Variants in PEX3 observed in about 807,000 individuals in gnomAD.
The protein encoded by PEX3 is peroxin-3.
A neutral mutation model predicts 55.8 loss-of-function variants in PEX3; 30 were observed. The ratio of observed to expected loss-of-function variants is 0.54; its 90% CI spans 0.40 to 0.73. PEX3 has a LOEUF of 0.73. Ranked by LOEUF, PEX3 falls within the 30% of genes least tolerant of loss-of-function variation. The probability of loss-of-function intolerance (pLI) is 0.00; values close to 1 mark genes in which losing one functional copy is unlikely to be tolerated. For synonymous variants in PEX3, 135 were observed against 148.4 expected, an observed-to-expected ratio of 0.91 and a Z score of 0.66; for missense variants, 351 against 432.8, an observed-to-expected ratio of 0.81 and a Z score of 1.68.
rs766926677 is a variant in PEX3 at position 143,468,087 on chromosome 6, T to C, written c.288-35T>C. On this transcript the variant is annotated intron_variant, in intron 3 of 11. Transcript: ENST00000367591. ...AGAGTTTTCTATTAGATTATCTAGA[T>C]TATTATTTTCATATTTTTAAATTTT... 5 of 1,125,088 alleles carry C rather than the reference T, an allele frequency of 4.4e-6. No individual in the cohort carries two copies. In the East Asian group the frequency reaches 1.3e-4, roughly 29 times the overall value. The allele number at this position is 1,125,088 out of a possible 1,614,324, so 69.7% of individuals were successfully genotyped here.
In PEX3 at chr6:143,483,139, G is replaced by A. The variant is rs1780265109; in HGVS notation, c.942-2013G>A. ...AGAAAAATTTTCTTTCTTAGAAAAT[G>A]TGCATCAAAGACACAGATAATTCAC... On this transcript the variant is annotated intron_variant, in intron 10 of 11. Transcript: ENST00000367591. The surrounding 1 kb of genome is among the most constrained non-coding windows in gnomAD (Gnocchi z 4.3). 6.6e-6 allele frequency among the ~76,000 whole-genome samples: 1 copy of A among 152,056 alleles called. No homozygotes were observed. The highest frequency in any genetic ancestry group is 2.1e-4 in the South Asian group (1 of 4,820).
chr6:143,472,467 T>G (rs1203145956), intron 8 of PEX3, 139 bp downstream of exon 8: 1 of 667,900 alleles, frequency 1.5e-6, no homozygotes, highest in African/African-American at 1.8e-5. Flanking sequence ...GTAAAACCCA[T>G]TAATTTAGAA....
Position 143,482,118 on chromosome 6 carries a change from G to A in PEX3, c.941+2920G>A, listed in dbSNP as rs1780249803. 6.6e-6 allele frequency among the ~76,000 whole-genome samples: 1 copy of A among 152,068 alleles called. No individual in the cohort carries two copies. Among genetic ancestry groups the A allele is most frequent in the African/African-American group, 2.4e-5 (1 of 41,432 alleles). On this transcript the variant is annotated intron_variant, in intron 10 of 11. Transcript: ENST00000367591. This position sits in a 1 kb window ranked among gnomAD's most constrained non-coding sequence, Gnocchi z 5.5. ...CATCATTCTATTATTCTATCTAATG[G>A]AGTAAGGCTAGGAGAAGACCAATTT...
Position 143,475,288 on chromosome 6 carries a change from A to G in PEX3, c.818+432A>G, listed in dbSNP as rs557822154. Among the ~76,000 whole-genome samples, 17 of 152,272 alleles carry G rather than the reference A, an allele frequency of 1.1e-4. No homozygotes were observed. The South Asian group carries it at 3.5e-3, about 32-fold the overall frequency. On this transcript the variant is annotated intron_variant, in intron 9 of 11. Transcript: ENST00000367591. The surrounding 1 kb of genome is among the most constrained non-coding windows in gnomAD (Gnocchi z 4.4). ...TTGCTCACATGACTTTCATGACAGTATAATCTATATTTTTCTCCCACCTCT... is the reference window on the plus strand; with the variant it reads ...TTGCTCACATGACTTTCATGACAGTGTAATCTATATTTTTCTCCCACCTCT...
chr6:143,489,608 G>A lies in PEX3; in HGVS notation c.*382G>A, dbSNP rs1780362340. On this transcript the variant is annotated 3_prime_UTR_variant, in exon 12 of 12. Transcript: ENST00000367591. The surrounding 1 kb of genome is among the most constrained non-coding windows in gnomAD (Gnocchi z 5.5). ...GAGGAAAAATCTGTTGGAGACATAG[G>A]TCTAGGATGTGTGAAGTTTGGAAAA... is the stretch of plus-strand genomic sequence containing the variant. The A allele has an allele frequency of 6.5e-6, 1 of 152,762 alleles. No individual in the cohort carries two copies. Among genetic ancestry groups the A allele is most frequent in the Non-Finnish European group, 1.5e-5 (1 of 68,880 alleles). 9.5% of individuals were successfully genotyped at this position (152,762 alleles called of 1,614,324 possible).
At chr6:143,480,196 T>A (rs1345289706) in intron 10 of PEX3, among the ~76,000 whole-genome samples, 1 of 152,146 alleles carries the variant, frequency 6.6e-6, no homozygotes, top group Non-Finnish European at 1.5e-5. Context: ...TTTAAAAAAA[T>A]TTTAAGTTAT....
rs1376142986 is a variant in PEX3, at chr6:143,462,287, TTA to T, written c.206-627_206-626del. Among the ~76,000 whole-genome samples, 4 of 152,060 alleles carry T rather than the reference TTA, an allele frequency of 2.6e-5. No homozygotes were observed. Among genetic ancestry groups the T allele is most frequent in the Non-Finnish European group, 4.4e-5 (3 of 68,014 alleles). On this transcript the variant is annotated intron_variant, in intron 2 of 11. Transcript: ENST00000367591. This position sits in a 1 kb window ranked among gnomAD's most constrained non-coding sequence, Gnocchi z 4.1. ...AGTTTCTAACCCAGTGCACTTTTAT[TTA>T]TGTTATAATAAATGTTTATTGCTTT... is the stretch of plus-strand genomic sequence containing the variant.
rs1277598593 is a variant in PEX3 at position 143,488,622 on chromosome 6, G to A, written c.1039-521G>A. On this transcript the variant is annotated intron_variant, in intron 11 of 11. Transcript: ENST00000367591. This position sits in a 1 kb window ranked among gnomAD's most constrained non-coding sequence, Gnocchi z 4.9. ...ATTTTGGTTAGAAGTTAAAGAAAATGAAGGTGTAATTTTTTTCTTATCTTC... is the reference window on the plus strand; with the variant it reads ...ATTTTGGTTAGAAGTTAAAGAAAATAAAGGTGTAATTTTTTTCTTATCTTC... Among the ~76,000 whole-genome samples the A allele has an allele frequency of 6.6e-6, 1 of 152,064 alleles. No homozygotes were observed. Among genetic ancestry groups the A allele is most frequent in the East Asian group, 1.9e-4 (1 of 5,194 alleles).
In PEX3 at chr6:143,465,749, G is replaced by A. The variant is rs781473065; in HGVS notation, c.288-2373G>A. Among the ~76,000 whole-genome samples, 2 of 151,984 alleles carry A rather than the reference G, an allele frequency of 1.3e-5. No individual in the cohort carries two copies. The highest frequency in any genetic ancestry group is 4.8e-5 in the African/African-American group (2 of 41,410). ...TAGATTAAGGTTGCAGCAGTGTCTTGCATGAGTTACTCAACACATTTTCTG... is the reference window on the plus strand; with the variant it reads ...TAGATTAAGGTTGCAGCAGTGTCTTACATGAGTTACTCAACACATTTTCTG... On this transcript the variant is annotated intron_variant, in intron 3 of 11. Transcript: ENST00000367591. This position sits in a 1 kb window ranked among gnomAD's most constrained non-coding sequence, Gnocchi z 4.7.
At position 143,471,777 on chromosome 6, in the gene PEX3, T is replaced by C. The variant is rs1780077951; in HGVS notation, c.578+166T>C. ...TATTGCATTGTGGGATCCATTTTCT[T>C]TATCTTTTTTTTTATACAGAGGGGA... On this transcript the variant is annotated intron_variant, in intron 7 of 11. Transcript: ENST00000367591. The surrounding 1 kb of genome is among the most constrained non-coding windows in gnomAD (Gnocchi z 5.4). Among the ~76,000 whole-genome samples the C allele has an allele frequency of 6.9e-6, 1 of 144,186 alleles. No individual in the cohort carries two copies. Among genetic ancestry groups the C allele is most frequent in the African/African-American group, 2.5e-5 (1 of 39,704 alleles). 94.6% of individuals were successfully genotyped at this position (144,186 alleles called of 152,430 possible). A position where few individuals can be genotyped will look rare whatever the true frequency, so the allele number is the denominator to read the frequency against.
intron 3 of PEX3, among the ~76,000 whole-genome samples, chr6:143,467,619 A>G (rs956051653): frequency 1.3e-5 from 2 of 152,154 alleles, no homozygotes; most frequent in African/African-American, 4.8e-5. Flanking sequence ...AAAAGATTAT[A>G]CAAATCAAAA....
rs77602819 is a variant in PEX3 at position 143,465,800 on chromosome 6, A to G, written c.288-2322A>G. Among the ~76,000 whole-genome samples the G allele has an allele frequency of 1.8e-3, 278 of 152,182 alleles. No individual in the cohort carries two copies. The highest frequency in any genetic ancestry group is 6.2e-3 in the African/African-American group (258 of 41,552). On this transcript the variant is annotated intron_variant, in intron 3 of 11. Coordinates refer to ENST00000367591, the MANE Select transcript of PEX3 (RefSeq NM_003630.3). This position sits in a 1 kb window ranked among gnomAD's most constrained non-coding sequence, Gnocchi z 4.7. ...AACCTGTGCCATCTAGGAAAGAGGT[A>G]ACTGAAACTATAGAGTCTGCTCATT...
Position 143,471,425 on chromosome 6 carries a change from A to G in PEX3, c.499A>G (p.Ser167Gly), listed in dbSNP as rs1562654651. ...PPDVQQQYLS[S>G]IQHLLGDGLT... ...AGATGTCCAACAGCAGTATTTATCA[A>G]GTATTCAGCACCTACTTGGAGATGG... Residue 167 changes from serine to glycine, a missense_variant, in exon 6 of 12, where the codon AGT (serine) becomes GGT (glycine). Physicochemically the swap from Ser to Gly is moderately conservative, Grantham distance 56. Coordinates refer to ENST00000367591, the MANE Select transcript of PEX3 (RefSeq NM_003630.3). The surrounding 1 kb of genome is among the most constrained non-coding windows in gnomAD (Gnocchi z 5.4). The G allele has an allele frequency of 1.2e-6, 2 of 1,607,452 alleles. No homozygotes were observed. Among genetic ancestry groups the G allele is most frequent in the South Asian group, 1.1e-5 (1 of 90,728 alleles).
rs749834871 is a variant in PEX3, at chr6:143,471,625, C to G, written c.578+14C>G. 2 of 1,597,950 alleles carry G rather than the reference C, an allele frequency of 1.3e-6. No individual in the cohort carries two copies. The highest frequency in any genetic ancestry group is 3.3e-5 in the Admixed American group (2 of 59,954). On this transcript the variant is annotated intron_variant, in intron 7 of 11. Transcript: ENST00000367591. The surrounding 1 kb of genome is among the most constrained non-coding windows in gnomAD (Gnocchi z 5.4). Reference sequence around the variant, plus strand: ...GGTTTTAGGAAGGTAAGGCATTTTTCTTTGACTTTTCTGACTTCTTGATTC... The same window carrying G: ...GGTTTTAGGAAGGTAAGGCATTTTTGTTTGACTTTTCTGACTTCTTGATTC...
chr6:143,484,899 A>T lies in PEX3; in HGVS notation c.942-253A>T, dbSNP rs1780292399. The T allele has an allele frequency of 6.8e-6, 3 of 442,362 alleles. No individual in the cohort carries two copies. In the East Asian group the frequency reaches 1.4e-4, roughly 20 times the overall value. The allele number at this position is 442,362 out of a possible 1,614,324, so 27.4% of individuals were successfully genotyped here. On this transcript the variant is annotated intron_variant, in intron 10 of 11. Transcript: ENST00000367591. Reference sequence around the variant, plus strand: ...CTCATAACAATAAAAATGCAAAAACAGTGTGCTTAGGAGGTTAGAGGTTTT... The same window carrying T: ...CTCATAACAATAAAAATGCAAAAACTGTGTGCTTAGGAGGTTAGAGGTTTT...
chr6:143,474,331 C>T lies in PEX3; in HGVS notation c.748-455C>T, dbSNP rs973914560. On this transcript the variant is annotated intron_variant, in intron 8 of 11. Transcript: ENST00000367591. Reference sequence around the variant, plus strand: ...AAACTTAGCCGGTCGTGGTGGCGCACGCTTGTAATCCCAGCTACTCAGGAG... The same window carrying T: ...AAACTTAGCCGGTCGTGGTGGCGCATGCTTGTAATCCCAGCTACTCAGGAG... 1.3e-4 allele frequency among the ~76,000 whole-genome samples: 19 copies of T among 151,858 alleles called. 2 individuals are homozygous for T. The highest frequency in any genetic ancestry group is 3.4e-3 in the Middle Eastern group (1 of 292).
In PEX3 at chr6:143,487,965, T is replaced by G. The variant is rs1364031231; in HGVS notation, c.1039-1178T>G. On this transcript the variant is annotated intron_variant, in intron 11 of 11. Coordinates refer to ENST00000367591, the MANE Select transcript of PEX3 (RefSeq NM_003630.3). This position sits in a 1 kb window ranked among gnomAD's most constrained non-coding sequence, Gnocchi z 5.3. Reference sequence around the variant, plus strand: ...CAATAATCAAGAGCGTGTTTGAGTTTTCTTTACATTTTCATAGAAATCAAA... The same window carrying G: ...CAATAATCAAGAGCGTGTTTGAGTTGTCTTTACATTTTCATAGAAATCAAA... Among the ~76,000 whole-genome samples the G allele has an allele frequency of 6.6e-6, 1 of 152,132 alleles. No homozygotes were observed. The highest frequency in any genetic ancestry group is 2.4e-5 in the African/African-American group (1 of 41,444).
chr6:143,467,309 A>G (rs990421870), intron 3 of PEX3, among the ~76,000 whole-genome samples: 11 of 152,084 alleles, frequency 7.2e-5, no homozygotes, highest in African/African-American at 2.4e-4. Context: ...CTAAATTTTG[A>G]CTAATTTAGA....
At position 143,454,878 on chromosome 6, in the gene PEX3, A is replaced by C. The variant is rs913011005; in HGVS notation, c.73+3763A>C. Among the ~76,000 whole-genome samples, 3 of 152,228 alleles carry C rather than the reference A, an allele frequency of 2.0e-5. No individual in the cohort carries two copies. The highest frequency in any genetic ancestry group is 4.4e-5 in the Non-Finnish European group (3 of 68,040). The stretch of plus-strand genomic sequence containing the variant: ...GGCTATGCAAATGAGAAGTGGCAAA[A>C]GATTAACTTGGAAAAGTAGCTAGAG... On this transcript the variant is annotated intron_variant, in intron 1 of 11. Coordinates refer to ENST00000367591, the MANE Select transcript of PEX3 (RefSeq NM_003630.3). This position sits in a 1 kb window ranked among gnomAD's most constrained non-coding sequence, Gnocchi z 4.3.
Sources: gnomAD v4.1 joint callset for allele counts (sites outside exome capture counted in the v4.1 genomes callset) on GRCh38, gnomAD v4.1.1 for gene constraint, Gnocchi (gnomAD v3.1) non-coding constraint, MANE v1.5 for transcripts, NCBI Gene and HGNC (gene_info 2026-07-23, HGNC 2026-07-21) for gene names.